The following TTLL2 variants were observed in gnomAD, a reference collection of about 807,000 sequenced individuals.
TTLL2 encodes probable tubulin polyglutamylase TTLL2.
Under a neutral mutation model 7.5 loss-of-function variants are expected in TTLL2, and 10 were observed. The observed-to-expected ratio is 1.33, with a 90% CI of 0.82 to 2.25. TTLL2 has a LOEUF of 2.25. TTLL2 is among the 30% of genes most tolerant of loss of function. The pLI, the probability that TTLL2 is intolerant of heterozygous loss-of-function variation, is 0.00. For missense variants in TTLL2, 733 were observed against 735.7 expected, an observed-to-expected ratio of 1.00 and a Z score of 0.04; for synonymous variants, 284 against 280.3, an observed-to-expected ratio of 1.01 and a Z score of -0.13.
At chr6:167,339,163 C>T (rs1028073471) in intron 2 of TTLL2, among the ~76,000 whole-genome samples, 2 of 151,798 alleles carry the variant, frequency 1.3e-5, no homozygotes, top group African/African-American at 2.4e-5. Context: ...TACAGAATTT[C>T]CACCAAGTAA....
At position 167,338,646 on chromosome 6, in the gene TTLL2, G is replaced by A; in HGVS notation, c.48-1G>A. 6.2e-7 allele frequency: 1 copy of A among 1,612,130 alleles called. No individual in the cohort carries two copies. The highest frequency in any genetic ancestry group is 8.5e-7 in the Non-Finnish European group (1 of 1,178,860). ...CATTGTTGATGCTGCTTTGTTCACA[G>A]ATCTTTGAGAACCACCACCCCAGCC... On this transcript the variant is annotated splice_acceptor_variant, in intron 1 of 2. Coordinates refer to ENST00000239587, the MANE Select transcript of TTLL2 (RefSeq NM_031949.5). LOFTEE classifies it high-confidence loss of function.
intron 1 of TTLL2, among the ~76,000 whole-genome samples, chr6:167,337,554 G>A (rs939322359): frequency 6.6e-6 from 1 of 152,196 alleles, no homozygotes; most frequent in African/African-American, 2.4e-5. Context: ...CTGGGAAAAG[G>A]TGGGGGTGCC....
At position 167,325,135 on chromosome 6, in the gene TTLL2, A is replaced by G; in HGVS notation, c.-39A>G. 6.4e-7 allele frequency: 1 copy of G among 1,560,428 alleles called. No homozygotes were observed. Among genetic ancestry groups the G allele is most frequent in the Non-Finnish European group, 8.7e-7 (1 of 1,153,774 alleles). The stretch of plus-strand genomic sequence containing the variant: ...TTTCAGCTGGCGCTGCAGCTGCTGC[A>G]CAGAGACCCACAGAGGCCACCCTCG... On this transcript the variant is annotated 5_prime_UTR_variant, in exon 1 of 3. Transcript: ENST00000239587.
intron 1 of TTLL2, among the ~76,000 whole-genome samples, chr6:167,337,029 A>T (rs894775069): frequency 1.6e-4 from 25 of 152,290 alleles, no homozygotes; most frequent in African/African-American, 5.3e-4. Context: ...CACAGGACAA[A>T]GTGCTGGCTC....
At chr6:167,330,251 A>G (rs1282986488) in intron 1 of TTLL2, among the ~76,000 whole-genome samples, 1 of 152,174 alleles carries the variant, frequency 6.6e-6, no homozygotes, top group East Asian at 1.9e-4. Context: ...CAGTTTTTCA[A>G]TGTTTGAAAT....
At chr6:167,329,913 G>C (rs1022983565) in intron 1 of TTLL2, among the ~76,000 whole-genome samples, 1 of 152,102 alleles carries the variant, frequency 6.6e-6, no homozygotes, top group Non-Finnish European at 1.5e-5. Flanking sequence ...AGCACATTTT[G>C]TATTATATAA....
At position 167,341,216 on chromosome 6, in the gene TTLL2, C is replaced by T. The variant is rs750005626; in HGVS notation, c.1316C>T (p.Ala439Val). The change falls in exon 3 of 3, where the codon GCT (alanine) becomes GTT (valine). Residue 439 changes from alanine (A) to valine (V), a missense_variant. By Grantham distance (64) the Ala-to-Val change is moderately conservative. Coordinates refer to ENST00000239587, the MANE Select transcript of TTLL2 (RefSeq NM_031949.5). ...NATHGNSNID[A>V]AKSDRGGLDA... ...ACACATGGAAATTCCAACATCGACG[C>T]TGCAAAAAGTGACAGAGGTGGGCTT... 29 of 1,613,504 alleles carry T rather than the reference C, an allele frequency of 1.8e-5. No homozygotes were observed. The highest frequency in any genetic ancestry group is 2.5e-5 in the Non-Finnish European group (29 of 1,179,984).
chr6:167,330,649 T>C lies in TTLL2; in HGVS notation c.47+5429T>C, dbSNP rs534114103. On this transcript the variant is annotated intron_variant, in intron 1 of 2. Transcript: ENST00000239587. The stretch of plus-strand genomic sequence containing the variant: ...ATGTAAAGGAAAAGATCTAGACCCC[T>C]GTACCCCTCCCTCCCTGCACTTTGG... Among the ~76,000 whole-genome samples the C allele has an allele frequency of 3.8e-3, 580 of 152,268 alleles. 4 individuals are homozygous for C. The highest frequency in any genetic ancestry group is 0.013 in the African/African-American group (551 of 41,524).
In TTLL2 at chr6:167,325,206, A is replaced by G. The variant is rs1344189974; in HGVS notation, c.33A>G (p.Gln11=). The change falls in exon 1 of 3, where the codon CAA becomes CAG. Residue 11 remains glutamine, a synonymous_variant. Transcript: ENST00000239587. ...GGCGGGACCTGTGTTCCTCCACACA[A>G]AGCCAGGCGCTGGGGTAAGCGTAGG... MRGRDLCSST[Q]SQALGSLRTT... is the part of the protein sequence containing the mutation. 5.1e-6 allele frequency: 8 copies of G among 1,574,962 alleles called. No homozygotes were observed. In the African/African-American group the frequency reaches 6.8e-5, roughly 13 times the overall value.
rs1399604608 is a variant in TTLL2, at chr6:167,325,151, G to C, written c.-23G>C. ...AGCTGCTGCACAGAGACCCACAGAG[G>C]CCACCCTCGGAACCAGCGCCCAATG... On this transcript the variant is annotated 5_prime_UTR_variant, in exon 1 of 3. Transcript: ENST00000239587. 6.4e-7 allele frequency: 1 copy of C among 1,568,278 alleles called. No individual in the cohort carries two copies. Among genetic ancestry groups the C allele is most frequent in the Non-Finnish European group, 8.6e-7 (1 of 1,157,992 alleles).
intron 1 of TTLL2, among the ~76,000 whole-genome samples, chr6:167,335,486 A>T (rs1370978178): frequency 0.016 from 2,299 of 145,030 alleles, 74 homozygotes; most frequent in African/African-American, 0.058. Flanking sequence ...TACCCAAATG[A>T]CTATAAATCA....
intron 1 of TTLL2, 84 bp downstream of exon 1, chr6:167,325,304 A>G: frequency 7.4e-7 from 1 of 1,358,216 alleles, no homozygotes; most frequent in African/African-American, 1.5e-5. Flanking sequence ...CCGAGAGCAC[A>G]GGGGCCAGGG....
At chr6:167,327,343 T>G (rs2981975) in intron 1 of TTLL2, among the ~76,000 whole-genome samples, 1 of 152,046 alleles carries the variant, frequency 6.6e-6, no homozygotes. Context: ...AGCAGAACTG[T>G]TCTTGGGTAA....
At chr6:167,335,340 C>T (rs113467497) in intron 1 of TTLL2, among the ~76,000 whole-genome samples, 98 of 151,134 alleles carry the variant, frequency 6.5e-4, no homozygotes, top group Non-Finnish European at 1.2e-3. Context: ...GGAGAGGATG[C>T]GGAGAAATAG....
At chr6:167,329,678 A>G (rs1173747390) in intron 1 of TTLL2, among the ~76,000 whole-genome samples, 1 of 152,166 alleles carries the variant, frequency 6.6e-6, no homozygotes, top group African/African-American at 2.4e-5. Context: ...GATAATTTTA[A>G]TTATTGATTA....
chr6:167,331,278 G>C (rs553602428), intron 1 of TTLL2, among the ~76,000 whole-genome samples: 1 of 152,090 alleles, frequency 6.6e-6, no homozygotes, highest in South Asian at 2.1e-4. Flanking sequence ...CCTCCTTCCA[G>C]CTATTTGAAA....
Position 167,338,640 on chromosome 6 carries a change from T to C in TTLL2, c.48-7T>C. 1 of 1,610,928 alleles carries C rather than the reference T, an allele frequency of 6.2e-7. No individual in the cohort carries two copies. Among genetic ancestry groups the C allele is most frequent in the Middle Eastern group, 1.7e-4 (1 of 6,044 alleles). ...TGTGTTCATTGTTGATGCTGCTTTG[T>C]TCACAGATCTTTGAGAACCACCACC... On this transcript the variant is annotated splice_polypyrimidine_tract_variant and splice_region_variant and intron_variant, in intron 1 of 2. Coordinates refer to ENST00000239587, the MANE Select transcript of TTLL2 (RefSeq NM_031949.5).
rs991670712 is a variant in TTLL2 at position 167,342,349 on chromosome 6, A to C, written c.*670A>C. 6.6e-6 allele frequency among the ~76,000 whole-genome samples: 1 copy of C among 152,260 alleles called. No homozygotes were observed. The highest frequency in any genetic ancestry group is 1.5e-5 in the Non-Finnish European group (1 of 68,052). ...ATCAAAGTATGCTGTCATTCCTGCC[A>C]CATAAAAAGCATCTGCAGTCCTAAG... On this transcript the variant is annotated 3_prime_UTR_variant, in exon 3 of 3. Transcript: ENST00000239587.
At chr6:167,338,579 T>A in intron 1 of TTLL2, 68 bp from the exon 2 acceptor site, 4 of 1,539,406 alleles carry the variant, frequency 2.6e-6, no homozygotes, top group Non-Finnish European at 3.5e-6. Flanking sequence ...ATTCTGTATG[T>A]TCCTTATTAA....
Sources: allele counts gnomAD v4.1 joint callset (sites outside exome capture counted in the v4.1 genomes callset), GRCh38; gene constraint gnomAD v4.1.1; transcripts MANE v1.5; gene names NCBI Gene and HGNC (gene_info 2026-07-23, HGNC 2026-07-21).